The following PPM1L variants were observed in gnomAD, a reference collection of about 807,000 sequenced individuals.
PPM1L encodes protein phosphatase 1L.
Under a neutral mutation model 31.4 loss-of-function variants are expected in PPM1L, and 13 were observed. That is an observed-to-expected ratio of 0.41 (90% CI 0.27 to 0.66). The LOEUF is 0.66. Among genes scored for constraint, PPM1L ranks in the 30% least tolerant of loss-of-function variants. The pLI is 0.29. For missense variants in PPM1L, 326 were observed against 453.7 expected, an observed-to-expected ratio of 0.72 and a Z score of 2.56; for synonymous variants, 184 against 175.4, an observed-to-expected ratio of 1.05 and a Z score of -0.39.
intron 2 of PPM1L, among the ~76,000 whole-genome samples, chr3:160,996,704 A>T (rs1044263291): frequency 5.9e-5 from 9 of 152,292 alleles, no homozygotes; most frequent in Non-Finnish European, 1.0e-4. Context: ...TGCTCTGGTG[A>T]TGGGTACACT....
chr3:161,077,061 C>T lies in PPM1L; in HGVS notation c.*7904C>T, dbSNP rs2108120650. ...GTGAGCACTCAGGCGCCATCACTGCCTTCTTGGGGCTTACACCCTATTGGG... is the reference window on the plus strand; with the variant it reads ...GTGAGCACTCAGGCGCCATCACTGCTTTCTTGGGGCTTACACCCTATTGGG... On this transcript the variant is annotated 3_prime_UTR_variant, in exon 4 of 4. Coordinates refer to ENST00000498165, the MANE Select transcript of PPM1L (RefSeq NM_139245.4). The T allele has an allele frequency of 6.6e-6, 1 of 152,258 alleles. No homozygotes were observed. The highest frequency in any genetic ancestry group is 6.5e-5 in the Admixed American group (1 of 15,282). 9.4% of individuals were successfully genotyped at this position (152,258 alleles called of 1,614,324 possible). A position where few individuals can be genotyped will look rare whatever the true frequency, so the allele number is the denominator to read the frequency against.
At chr3:160,939,333 T>C (rs1292829320) in intron 1 of PPM1L, among the ~76,000 whole-genome samples, 2 of 152,178 alleles carry the variant, frequency 1.3e-5, no homozygotes, top group Non-Finnish European at 1.5e-5. Flanking sequence ...TTTATGTCTT[T>C]ATATAGAATG....
intron 2 of PPM1L, among the ~76,000 whole-genome samples, chr3:161,047,336 A>C (rs1002311245): frequency 1.3e-5 from 2 of 152,182 alleles, no homozygotes; most frequent in East Asian, 3.8e-4. Context: ...CCCATTCACA[A>C]TTGCTTCAAA....
chr3:160,949,265 C>T (rs1576736008), intron 1 of PPM1L, among the ~76,000 whole-genome samples: 1 of 152,094 alleles, frequency 6.6e-6, no homozygotes, highest in African/African-American at 2.4e-5. Flanking sequence ...ACCTGGATTC[C>T]TAAAATAAGA....
At chr3:160,934,383 G>A (rs1469081942) in intron 1 of PPM1L, among the ~76,000 whole-genome samples, 1 of 152,184 alleles carries the variant, frequency 6.6e-6, no homozygotes, top group African/African-American at 2.4e-5. Context: ...GAAAGAGGTG[G>A]TGTGATCTGT....
rs145221888 is a variant in PPM1L, at chr3:160,951,535, G to A, written c.400-10201G>A. On this transcript the variant is annotated intron_variant, in intron 1 of 3. Coordinates refer to ENST00000498165, the MANE Select transcript of PPM1L (RefSeq NM_139245.4). ...CAATTACAGGGTAAGATCTAGAAAA[G>A]AGAGGTAAGTTATTTTTTATGTACA... Among the ~76,000 whole-genome samples, 648 of 152,282 alleles carry A rather than the reference G, an allele frequency of 4.3e-3. 2 individuals carry two copies. Among genetic ancestry groups the A allele is most frequent in the African/African-American group, 0.015 (622 of 41,548 alleles).
chr3:160,769,048 A>G (rs1425361829), intron 1 of PPM1L, among the ~76,000 whole-genome samples: 1 of 152,212 alleles, frequency 6.6e-6, no homozygotes, highest in African/African-American at 2.4e-5. Flanking sequence ...TTCACATCTT[A>G]TAGTCCATAG....
chr3:160,834,706 C>A (rs1381425797), intron 1 of PPM1L, among the ~76,000 whole-genome samples: 4 of 152,042 alleles, frequency 2.6e-5, no homozygotes, highest in African/African-American at 9.7e-5. Context: ...ACTCTTTTGC[C>A]TCCACTAAAC....
At chr3:160,761,390 G>T (rs1714964126) in intron 1 of PPM1L, among the ~76,000 whole-genome samples, 1 of 152,158 alleles carries the variant, frequency 6.6e-6, no homozygotes, top group South Asian at 2.1e-4. Flanking sequence ...AGAAATAACT[G>T]CAAGAATGTT....
At chr3:160,759,331 T>C (rs2108053582) in intron 1 of PPM1L, among the ~76,000 whole-genome samples, 1 of 152,316 alleles carries the variant, frequency 6.6e-6, no homozygotes, top group Non-Finnish European at 1.5e-5. Flanking sequence ...CCGTCTGTAA[T>C]TGTAGTACTC....
At position 160,756,249 on chromosome 3, in the gene PPM1L, G is replaced by C; in HGVS notation, c.-60G>C. On this transcript the variant is annotated 5_prime_UTR_variant, in exon 1 of 4. Coordinates refer to ENST00000498165, the MANE Select transcript of PPM1L (RefSeq NM_139245.4). This position sits in a 1 kb window ranked among gnomAD's most constrained non-coding sequence, Gnocchi z 6.2. ...GCGGGCTGTCCCCGCAGTGCTCCCG[G>C]ACCCGGCGAGCCTTCGGGGCGCGCG... is the stretch of plus-strand genomic sequence containing the variant. 6.4e-7 allele frequency: 1 copy of C among 1,554,940 alleles called. No individual in the cohort carries two copies. Among genetic ancestry groups the C allele is most frequent in the Non-Finnish European group, 8.7e-7 (1 of 1,146,920 alleles).
intron 1 of PPM1L, among the ~76,000 whole-genome samples, chr3:160,908,228 T>C (rs1713830015): frequency 6.6e-6 from 1 of 152,352 alleles, no homozygotes. Context: ...GTTGGTTTTC[T>C]TTTTTAAGTA....
At position 161,006,918 on chromosome 3, in the gene PPM1L, G is replaced by A. The variant is rs145575168; in HGVS notation, c.574+45008G>A. Among the ~76,000 whole-genome samples, 529 of 152,190 alleles carry A rather than the reference G, an allele frequency of 3.5e-3. 2 individuals are homozygous for A. Among genetic ancestry groups the A allele is most frequent in the African/African-American group, 0.012 (512 of 41,528 alleles). ...AGGATGGTCTCGATCTCCTGACCTCGTGATCCACCTGCCTCAGCCTCCCAA... is the reference window on the plus strand; with the variant it reads ...AGGATGGTCTCGATCTCCTGACCTCATGATCCACCTGCCTCAGCCTCCCAA... On this transcript the variant is annotated intron_variant, in intron 2 of 3. Coordinates refer to ENST00000498165, the MANE Select transcript of PPM1L (RefSeq NM_139245.4).
intron 2 of PPM1L, among the ~76,000 whole-genome samples, chr3:161,004,116 G>T: frequency 7.0e-6 from 1 of 142,758 alleles, no homozygotes; most frequent in South Asian, 2.3e-4. Flanking sequence ...TTTTGTCTTT[G>T]GTTCTGTTTA....
intron 1 of PPM1L, among the ~76,000 whole-genome samples, chr3:160,782,751 G>A (rs950713169): frequency 6.6e-6 from 1 of 152,100 alleles, no homozygotes; most frequent in Non-Finnish European, 1.5e-5. Context: ...AATACATAGA[G>A]CTTAGAAATG....
chr3:160,977,034 C>T (rs1025038413), intron 2 of PPM1L, among the ~76,000 whole-genome samples: 3 of 152,186 alleles, frequency 2.0e-5, no homozygotes, highest in Non-Finnish European at 4.4e-5. Flanking sequence ...TCCCTCTACA[C>T]ACTGCTTTGA....
intron 1 of PPM1L, among the ~76,000 whole-genome samples, chr3:160,944,575 A>G (rs2108090085): frequency 6.7e-6 from 1 of 149,346 alleles, no homozygotes. Context: ...CTGGAGTGTT[A>G]GAATTTTTAA....
At chr3:161,002,556 T>G (rs1029521348) in intron 2 of PPM1L, among the ~76,000 whole-genome samples, 1 of 150,732 alleles carries the variant, frequency 6.6e-6, no homozygotes, top group Non-Finnish European at 1.5e-5. Context: ...GGTATCTCAC[T>G]GTGGTTTTGA....
intron 2 of PPM1L, among the ~76,000 whole-genome samples, chr3:161,061,898 G>C (rs1719582941): frequency 6.6e-6 from 1 of 152,182 alleles, no homozygotes; most frequent in Non-Finnish European, 1.5e-5. Flanking sequence ...AAACAAGAAA[G>C]GCATTTATTG....
Sources: gnomAD v4.1 joint callset for allele counts (sites outside exome capture counted in the v4.1 genomes callset) on GRCh38, gnomAD v4.1.1 for gene constraint, Gnocchi (gnomAD v3.1) non-coding constraint, MANE v1.5 for transcripts, NCBI Gene and HGNC (gene_info 2026-07-23, HGNC 2026-07-21) for gene names.